SYTL5: variants seen among roughly 807,000 people sequenced by gnomAD.
SYTL5 encodes synaptotagmin like 5.
SYTL5 carries 34 observed loss-of-function variants against 55.9 expected under a neutral mutation model. That is an observed-to-expected ratio of 0.61 (90% confidence interval 0.46 to 0.81). The LOEUF (loss-of-function observed/expected upper bound fraction) is 0.81, where lower values mean the gene tolerates loss of function less well. SYTL5 is among the 30% of genes least tolerant of loss of function. The probability of loss-of-function intolerance (pLI) is 0.00; values close to 1 mark genes in which losing one functional copy is unlikely to be tolerated. For missense variants in SYTL5, 637 were observed against 546.7 expected, an observed-to-expected ratio of 1.17 and a Z score of -1.65; for synonymous variants, 221 against 188.7, an observed-to-expected ratio of 1.17 and a Z score of -1.40.
In SYTL5 at chrX:38,055,168, G is replaced by T. The variant is rs1252404088; in HGVS notation, c.329+746G>T. On this transcript the variant is annotated intron_variant, in intron 3 of 16. Coordinates refer to ENST00000297875, the MANE Select transcript of SYTL5 (RefSeq NM_138780.3). ...AATATGGTTCTCACATGTTCAGCCT[G>T]CTCTGCACATCAGCTGACAAGCAAA... 1.2e-3 allele frequency among the ~76,000 whole-genome samples: 129 copies of T among 111,929 alleles called. 1 individual carries two copies. The Admixed American group carries it at 0.012, about 11-fold the overall frequency.
the SYTL5 span, among the ~76,000 whole-genome samples, chrX:37,940,273 C>G: frequency 9.1e-6 from 1 of 110,293 alleles, no homozygotes. Context: ...TTGAATTCCC[C>G]TATATGTAAA....
chrX:37,916,300 G>T, the SYTL5 span, among the ~76,000 whole-genome samples: 1 of 112,076 alleles, frequency 8.9e-6, no homozygotes, highest in African/African-American at 3.2e-5. Context: ...CGGAGCCCAC[G>T]CACCCCTCCT....
the SYTL5 span, among the ~76,000 whole-genome samples, chrX:37,938,195 A>G: frequency 8.9e-6 from 1 of 112,262 alleles, no homozygotes; most frequent in Non-Finnish European, 1.9e-5. Context: ...CAGAAAATGA[A>G]TAGAGAAACT....
the SYTL5 span, among the ~76,000 whole-genome samples, chrX:37,986,203 A>G: frequency 9.0e-6 from 1 of 110,752 alleles, no homozygotes; most frequent in Non-Finnish European, 1.9e-5. Context: ...TTCAAAGGAC[A>G]CTATTTTTTT....
chrX:38,014,980 C>T (rs1258161105), intron 1 of SYTL5, among the ~76,000 whole-genome samples: 1 of 112,026 alleles, frequency 8.9e-6, no homozygotes, highest in Non-Finnish European at 1.9e-5. Flanking sequence ...TTGCCCAATG[C>T]AGTTCCCAGC....
chrX:38,115,056 A>C (rs1937448799), intron 13 of SYTL5, among the ~76,000 whole-genome samples: 1 of 112,330 alleles, frequency 8.9e-6, no homozygotes, highest in African/African-American at 3.2e-5. Context: ...TTTAAGGCTG[A>C]ATAGTATTCC....
intron 1 of SYTL5, among the ~76,000 whole-genome samples, chrX:38,031,756 G>A (rs1475358030): frequency 8.9e-6 from 1 of 111,929 alleles, no homozygotes; most frequent in Non-Finnish European, 1.9e-5. Context: ...GGAGACTGCA[G>A]TTGACAGTGA....
At chrX:38,005,673 GA>G (rs1322619545), upstream of SYTL5, among the ~76,000 whole-genome samples, 2 of 110,782 alleles carry the variant, frequency 1.8e-5, no homozygotes, top group Non-Finnish European at 3.8e-5. Flanking sequence ...CATCCAATCT[GA>G]AAAAAATGGA....
chrX:38,066,374 C>T (rs1936102474), intron 3 of SYTL5, among the ~76,000 whole-genome samples: 1 of 111,271 alleles, frequency 9.0e-6, no homozygotes, highest in Admixed American at 9.5e-5. Flanking sequence ...CTTGAAAAGT[C>T]CCAGAGGTTT....
the SYTL5 span, among the ~76,000 whole-genome samples, chrX:37,979,204 T>C: frequency 9.1e-6 from 1 of 110,400 alleles, no homozygotes; most frequent in African/African-American, 3.3e-5. Context: ...TTTTGAGGGC[T>C]TCAATATTTA....
chrX:38,019,314 C>G (rs1178215946), intron 1 of SYTL5, among the ~76,000 whole-genome samples: 2 of 112,045 alleles, frequency 1.8e-5, no homozygotes, highest in South Asian at 3.7e-4. Context: ...ATCCCCCTTT[C>G]TCTTAGCTTT....
intron 7 of SYTL5, among the ~76,000 whole-genome samples, chrX:38,092,619 C>T (rs1208104012): frequency 9.0e-6 from 1 of 111,377 alleles, no homozygotes; most frequent in African/African-American, 3.3e-5. Context: ...ACACTGGCAG[C>T]TGATTGGATG....
the SYTL5 span, among the ~76,000 whole-genome samples, chrX:37,903,162 A>G: frequency 9.0e-6 from 1 of 111,180 alleles, no homozygotes; most frequent in Non-Finnish European, 1.9e-5. Context: ...GGGATCTAGA[A>G]CTAGAAATAC....
chrX:37,953,846 C>A, the SYTL5 span, among the ~76,000 whole-genome samples: 1 of 110,530 alleles, frequency 9.0e-6, no homozygotes, highest in South Asian at 3.9e-4. Flanking sequence ...GCAGCAAGTA[C>A]AGATAAGCAT....
chrX:37,960,160 C>T, the SYTL5 span, among the ~76,000 whole-genome samples: 42 of 111,311 alleles, frequency 3.8e-4, no homozygotes, highest in African/African-American at 1.3e-3. Flanking sequence ...GGGGAAGACT[C>T]GAAGATCTCC....
chrX:38,105,754 C>T (rs1345274949), intron 10 of SYTL5, among the ~76,000 whole-genome samples: 1 of 112,131 alleles, frequency 8.9e-6, no homozygotes, highest in African/African-American at 3.2e-5. Flanking sequence ...TTTTGAACCG[C>T]AGTTGACCAT....
chrX:38,035,495 GC>G (rs1935075512), intron 2 of SYTL5, among the ~76,000 whole-genome samples: 1 of 110,088 alleles, frequency 9.1e-6, no homozygotes, highest in African/African-American at 3.3e-5. Flanking sequence ...GGAGGCTGAG[GC>G]GGGAGAATGG....
At chrX:38,043,840 T>G (rs1169180196) in intron 2 of SYTL5, among the ~76,000 whole-genome samples, 1 of 108,039 alleles carries the variant, frequency 9.3e-6, no homozygotes, top group African/African-American at 3.4e-5. Flanking sequence ...AACATTTTTA[T>G]TGGCTGGATA....
intron 2 of SYTL5, among the ~76,000 whole-genome samples, chrX:38,040,624 C>G (rs781697727): frequency 9.0e-6 from 1 of 111,472 alleles, no homozygotes; most frequent in East Asian, 2.8e-4. Context: ...ATAGTGATCT[C>G]CAGACCATCC....
Sources: allele counts gnomAD v4.1 joint callset (sites outside exome capture counted in the v4.1 genomes callset), GRCh38; gene constraint gnomAD v4.1.1; transcripts MANE v1.5; gene names NCBI Gene and HGNC (gene_info 2026-07-23, HGNC 2026-07-21).